Variants in TYW1 observed in about 807,000 individuals in gnomAD.
TYW1 encodes the protein tRNA-yW synthesizing protein 1 homolog.
TYW1 carries 46 observed loss-of-function variants against 96.2 expected under a neutral mutation model. The ratio of observed to expected loss-of-function variants is 0.48; its 90% CI spans 0.38 to 0.61. The LOEUF (loss-of-function observed/expected upper bound fraction) is 0.61. Ranked by LOEUF, TYW1 falls within the 20% of genes least tolerant of loss-of-function variation. The probability of loss-of-function intolerance (pLI) is 0.00; values close to 1 mark genes in which losing one functional copy is unlikely to be tolerated. For missense variants in TYW1, 684 were observed against 909.6 expected (o/e 0.75, Z 3.19); for synonymous variants, 274 against 323.0 (o/e 0.85, Z 1.63).
Position 67,120,163 on chromosome 7 carries a change from C to T in TYW1, c.1698+2545C>T, listed in dbSNP as rs368914907. On this transcript the variant is annotated intron_variant, in intron 13 of 15. Coordinates refer to ENST00000359626, the MANE Select transcript of TYW1 (RefSeq NM_018264.4). Reference sequence around the variant, plus strand: ...GTGGTGTGATCTTGGCTCACTGCAACGTCTGCCTCCTGGGTTCAAGTGATT... The same window carrying T: ...GTGGTGTGATCTTGGCTCACTGCAATGTCTGCCTCCTGGGTTCAAGTGATT... 9.2e-5 allele frequency among the ~76,000 whole-genome samples: 14 copies of T among 152,086 alleles called. 1 individual carries two copies. In the East Asian group the frequency reaches 1.2e-3, roughly 13 times the overall value.
intron 11 of TYW1, among the ~76,000 whole-genome samples, chr7:67,085,691 T>C (rs1459240983): frequency 6.6e-6 from 1 of 152,134 alleles, no homozygotes; most frequent in African/African-American, 2.4e-5. Flanking sequence ...TCAGTAGGCT[T>C]AGCACGGTGC....
rs565452469 is a variant in TYW1 at position 67,124,391 on chromosome 7, C to T, written c.1698+6773C>T. The stretch of plus-strand genomic sequence containing the variant: ...TGGGATACAGATGTGCTCCACCACA[C>T]CTGGCTAAAAATATTTTTTTTTGAG... On this transcript the variant is annotated intron_variant, in intron 13 of 15. Coordinates refer to ENST00000359626, the MANE Select transcript of TYW1 (RefSeq NM_018264.4). Among the ~76,000 whole-genome samples, 8 of 152,186 alleles carry T rather than the reference C, an allele frequency of 5.3e-5. No individual in the cohort carries two copies. In the East Asian group the frequency reaches 9.7e-4, roughly 18 times the overall value.
intron 12 of TYW1, among the ~76,000 whole-genome samples, chr7:67,108,496 C>T (rs938708748): frequency 1.3e-5 from 2 of 148,322 alleles, no homozygotes; most frequent in Non-Finnish European, 3.0e-5. Context: ...GCCTGGAGTG[C>T]AGTGGTGCAA....
chr7:67,068,562 C>G (rs1405966749), intron 10 of TYW1, among the ~76,000 whole-genome samples: 1 of 152,232 alleles, frequency 6.6e-6, no homozygotes, highest in African/African-American at 2.4e-5. Context: ...TCTAGTACCC[C>G]ACCCACCCTT....
At chr7:67,135,106 G>A (rs1436810704) in intron 13 of TYW1, among the ~76,000 whole-genome samples, 1 of 151,984 alleles carries the variant, frequency 6.6e-6, no homozygotes, top group Non-Finnish European at 1.5e-5. Context: ...AGGTGACAGA[G>A]TGACACCCTG....
intron 13 of TYW1, among the ~76,000 whole-genome samples, chr7:67,126,847 A>T (rs1797927549): frequency 6.6e-6 from 1 of 152,216 alleles, no homozygotes. Flanking sequence ...TCTTGCAACA[A>T]TATCACATAC....
intron 11 of TYW1, among the ~76,000 whole-genome samples, chr7:67,093,861 T>G (rs1288900654): frequency 1.3e-5 from 2 of 151,552 alleles, no homozygotes; most frequent in African/African-American, 2.4e-5. Context: ...TTTATTTTAT[T>G]TATTATTTTG....
intron 10 of TYW1, among the ~76,000 whole-genome samples, chr7:67,079,202 T>TGTGTGTGTG (rs1563001310): frequency 2.8e-4 from 38 of 135,382 alleles, no homozygotes; most frequent in Non-Finnish European, 5.2e-4. Context: ...GTGTGTGTGT[T>TGTGTGTGTG]TTAGGTTTGG....
chr7:67,075,310 T>C (rs1472513393), intron 10 of TYW1, among the ~76,000 whole-genome samples: 5 of 152,236 alleles, frequency 3.3e-5, no homozygotes, highest in Non-Finnish European at 7.3e-5. Flanking sequence ...TTGTCTGTTT[T>C]CCTTGCTCCT....
intron 13 of TYW1, among the ~76,000 whole-genome samples, chr7:67,153,424 C>T (rs2116178492): frequency 6.6e-6 from 1 of 152,222 alleles, no homozygotes; most frequent in South Asian, 2.1e-4. Context: ...CCACTGCACT[C>T]CAGCCTGGGT....
At position 67,018,006 on chromosome 7, in the gene TYW1, G is replaced by T. The variant is rs763526906; in HGVS notation, c.724G>T (p.Ala242Ser). 6.4e-5 allele frequency: 103 copies of T among 1,613,980 alleles called. No individual in the cohort carries two copies. Among genetic ancestry groups the T allele is most frequent in the Non-Finnish European group, 8.7e-5 (103 of 1,180,028 alleles). The part of the protein sequence containing the change: ...WKTKFISQLQ[A>S]LQKGERKKSC... ...GACCAAGTTCATCTCCCAGCTGCAG[G>T]CACTTCAGAAAGGGGAGAGAAAGAA... The change falls in exon 6 of 16, where the codon GCA becomes TCA. Residue 242 changes from alanine to serine, a missense_variant. Physicochemically the swap from Ala to Ser is moderately conservative, Grantham distance 99. Coordinates refer to ENST00000359626, the MANE Select transcript of TYW1 (RefSeq NM_018264.4).
rs575720937 is a variant in TYW1 at position 67,078,832 on chromosome 7, A to C, written c.1275-4598A>C. On this transcript the variant is annotated intron_variant, in intron 10 of 15. Coordinates refer to ENST00000359626, the MANE Select transcript of TYW1 (RefSeq NM_018264.4). ...CTCAGCCTCCTGAGTAGCTGGGATT[A>C]TAGATGCCTGCCACCACGCCTGGCT... Among the ~76,000 whole-genome samples the C allele has an allele frequency of 6.6e-5, 10 of 152,184 alleles. 1 individual carries two copies. The South Asian group carries it at 2.1e-3, about 32-fold the overall frequency.
At chr7:67,230,075 C>T (rs1801698473) in intron 15 of TYW1, among the ~76,000 whole-genome samples, 1 of 150,828 alleles carries the variant, frequency 6.6e-6, no homozygotes, top group South Asian at 2.1e-4. Flanking sequence ...CATGTAATGG[C>T]CACGGTCTCT....
At chr7:67,178,120 T>C (rs985729700) in intron 13 of TYW1, among the ~76,000 whole-genome samples, 4 of 151,696 alleles carry the variant, frequency 2.6e-5, no homozygotes, top group Admixed American at 2.0e-4. Flanking sequence ...GCCATGCTTA[T>C]GCCACTGCAC....
chr7:67,146,249 C>T (rs957736954), intron 13 of TYW1, among the ~76,000 whole-genome samples: 1 of 152,046 alleles, frequency 6.6e-6, no homozygotes, highest in Non-Finnish European at 1.5e-5. Flanking sequence ...CAATACTTAC[C>T]CATTTTCCCT....
intron 13 of TYW1, among the ~76,000 whole-genome samples, chr7:67,119,696 G>A (rs1354771440): frequency 1.3e-5 from 2 of 151,838 alleles, no homozygotes. Flanking sequence ...CTTCTGTTTT[G>A]TCTTAGCTGC....
intron 13 of TYW1, among the ~76,000 whole-genome samples, chr7:67,125,496 G>A (rs878889811): frequency 5.0e-4 from 74 of 147,804 alleles, no homozygotes; most frequent in Non-Finnish European, 3.8e-4. Flanking sequence ...CCATGCATGC[G>A]TACATTACCT....
At chr7:67,104,791 A>C (rs142602112) in intron 12 of TYW1, among the ~76,000 whole-genome samples, 4,815 of 152,338 alleles carry the variant, frequency 0.032, 226 homozygotes, top group African/African-American at 0.11. Flanking sequence ...TCATGTTAAT[A>C]GGCCTGGTGG....
intron 13 of TYW1, among the ~76,000 whole-genome samples, chr7:67,182,386 G>A (rs1375635638): frequency 6.6e-6 from 1 of 152,048 alleles, no homozygotes; most frequent in Non-Finnish European, 1.5e-5. Context: ...AACATAGCAA[G>A]GACCCCATCT....
Sources: gnomAD v4.1 joint callset for allele counts (sites outside exome capture counted in the v4.1 genomes callset) on GRCh38, gnomAD v4.1.1 for gene constraint, MANE v1.5 for transcripts, NCBI Gene and HGNC (gene_info 2026-07-23, HGNC 2026-07-21) for gene names.